Variants in GLRA2 observed in about 807,000 individuals in gnomAD.
GLRA2 encodes the protein glycine receptor alpha 2, also known as glycine receptor subunit alpha-2.
Under a neutral mutation model 31.6 loss-of-function variants are expected in GLRA2, and 11 were observed. That is an observed-to-expected ratio of 0.35 (90% CI 0.22 to 0.58). The LOEUF is 0.58. Ranked by LOEUF, GLRA2 falls within the 20% of genes least tolerant of loss-of-function variation. The pLI is 0.84. For missense variants in GLRA2, 212 were observed against 351.8 expected, an observed-to-expected ratio of 0.60 and a Z score of 3.18; for synonymous variants, 132 against 134.0, an observed-to-expected ratio of 0.99 and a Z score of 0.10.
chrX:14,543,236 C>CA (rs60906048), intron 2 of GLRA2, among the ~76,000 whole-genome samples: 4,643 of 21,370 alleles, frequency 0.22, 358 homozygotes, highest in Non-Finnish European at 0.29. Flanking sequence ...TTGTCATCTG[C>CA]AAAAAAAAAA....
At chrX:14,462,108 G>A in the GLRA2 span, among the ~76,000 whole-genome samples, 1 of 111,604 alleles carries the variant, frequency 9.0e-6, no homozygotes, top group Non-Finnish European at 1.9e-5. Context: ...TGCTTATGAA[G>A]CTTAGTTTGG....
At chrX:14,720,181 A>G (rs1476676828) in intron 8 of GLRA2, among the ~76,000 whole-genome samples, 3 of 111,508 alleles carry the variant, frequency 2.7e-5, no homozygotes, top group African/African-American at 9.8e-5. Flanking sequence ...AGAAGAGAGG[A>G]TTTTGAATGT....
intron 7 of GLRA2, among the ~76,000 whole-genome samples, chrX:14,686,988 G>T (rs1438710698): frequency 1.1e-4 from 12 of 111,785 alleles, no homozygotes; most frequent in Admixed American, 5.7e-4. Flanking sequence ...AGCTCTTTTA[G>T]GGCAGGCCTT....
intron 7 of GLRA2, among the ~76,000 whole-genome samples, chrX:14,641,286 A>T (rs1040241660): frequency 9.0e-6 from 1 of 111,666 alleles, no homozygotes; most frequent in African/African-American, 3.3e-5. Context: ...CATGATTTTA[A>T]TAAAACAGTC....
At chrX:14,531,945 T>C (rs1286097973) in intron 1 of GLRA2, among the ~76,000 whole-genome samples, 1 of 111,792 alleles carries the variant, frequency 8.9e-6, no homozygotes, top group Non-Finnish European at 1.9e-5. Context: ...TTTAACTATA[T>C]ATACATAAAA....
chrX:14,621,755 A>G (rs898110292), intron 7 of GLRA2, among the ~76,000 whole-genome samples: 11 of 112,104 alleles, frequency 9.8e-5, no homozygotes, highest in African/African-American at 1.9e-4. Context: ...TCTTAATCCA[A>G]TCTATCATAG....
chrX:14,622,178 C>T (rs1239422903), intron 7 of GLRA2, among the ~76,000 whole-genome samples: 1 of 112,011 alleles, frequency 8.9e-6, no homozygotes, highest in Non-Finnish European at 1.9e-5. Context: ...AGTGTCTGTT[C>T]ATATCCTTCG....
At chrX:14,468,032 A>T in the GLRA2 span, among the ~76,000 whole-genome samples, 4 of 111,520 alleles carry the variant, frequency 3.6e-5, no homozygotes. Flanking sequence ...TGTTAGGTTG[A>T]CTTGAATATT....
intron 2 of GLRA2, among the ~76,000 whole-genome samples, chrX:14,537,192 A>T (rs2089337230): frequency 2.7e-5 from 3 of 111,691 alleles, no homozygotes; most frequent in Non-Finnish European, 3.8e-5. Context: ...GACTATGTAT[A>T]TATTAGTATG....
chrX:14,717,157 T>C (rs1329178420), intron 8 of GLRA2, among the ~76,000 whole-genome samples: 3 of 110,610 alleles, frequency 2.7e-5, no homozygotes, highest in Non-Finnish European at 5.7e-5. Flanking sequence ...CTGCCGATGG[T>C]CAATAAATTG....
the GLRA2 span, among the ~76,000 whole-genome samples, chrX:14,493,271 T>A: frequency 1.8e-5 from 2 of 110,005 alleles, no homozygotes; most frequent in African/African-American, 3.3e-5. Flanking sequence ...TACTTTAAGT[T>A]TTTCAACAGG....
chrX:14,532,678 T>C (rs1039137812), intron 2 of GLRA2, among the ~76,000 whole-genome samples: 1 of 111,565 alleles, frequency 9.0e-6, no homozygotes, highest in African/African-American at 3.3e-5. Context: ...GAGCAAGTGA[T>C]AGACTTGACT....
the GLRA2 span, among the ~76,000 whole-genome samples, chrX:14,498,734 A>T: frequency 9.0e-6 from 1 of 110,865 alleles, no homozygotes; most frequent in Non-Finnish European, 1.9e-5. Flanking sequence ...GTATCTTTAT[A>T]CTCATTAATC....
intron 4 of GLRA2, among the ~76,000 whole-genome samples, chrX:14,601,919 C>G (rs765349479): frequency 4.5e-5 from 5 of 111,278 alleles, no homozygotes; most frequent in Non-Finnish European, 9.5e-5. Flanking sequence ...GTTTGAGATA[C>G]GATGAACAGA....
intron 7 of GLRA2, among the ~76,000 whole-genome samples, chrX:14,615,858 TTG>T (rs758655925): frequency 8.9e-6 from 1 of 112,040 alleles, no homozygotes; most frequent in Non-Finnish European, 1.9e-5. Context: ...CCAATACTTT[TTG>T]TGTTTTTGTT....
intron 8 of GLRA2, among the ~76,000 whole-genome samples, chrX:14,722,520 C>T (rs187377094): frequency 9.0e-6 from 1 of 111,366 alleles, no homozygotes; most frequent in African/African-American, 3.3e-5. Flanking sequence ...CACTTAGACT[C>T]AAGTGGAGGG....
chrX:14,516,973 A>G, the GLRA2 span, among the ~76,000 whole-genome samples: 1 of 112,136 alleles, frequency 8.9e-6, no homozygotes, highest in East Asian at 2.8e-4. Flanking sequence ...CTCTGGATGA[A>G]CCCACTCAAT....
At chrX:14,689,125 T>C (rs1156607107) in intron 7 of GLRA2, among the ~76,000 whole-genome samples, 1 of 111,837 alleles carries the variant, frequency 8.9e-6, no homozygotes, top group Admixed American at 9.5e-5. Context: ...AATTGGGGCA[T>C]CTTACTCCAG....
chrX:14,561,778 C>T (rs886802370), intron 2 of GLRA2, among the ~76,000 whole-genome samples: 2 of 112,109 alleles, frequency 1.8e-5, no homozygotes, highest in Non-Finnish European at 3.8e-5. Flanking sequence ...CTTCTATTGC[C>T]TCTCTATCCT....
Sources: gnomAD v4.1 joint callset for allele counts (sites outside exome capture counted in the v4.1 genomes callset) on GRCh38, gnomAD v4.1.1 for gene constraint, MANE v1.5 for transcripts, NCBI Gene and HGNC (gene_info 2026-07-23, HGNC 2026-07-21) for gene names.